The following BANK1 variants were observed in gnomAD, a reference collection of about 807,000 sequenced individuals.
BANK1 encodes the protein B cell scaffold protein with ankyrin repeats 1.
In BANK1, 95 loss-of-function variants were observed where a neutral mutation model predicts 94.5. That is an observed-to-expected ratio of 1.00 (90% confidence interval 0.85 to 1.19). The LOEUF is 1.19. Ranked by LOEUF, BANK1 falls within the 50% of genes most tolerant of loss-of-function variation. BANK1 has a pLI of 0.00. For synonymous variants in BANK1, 334 were observed against 308.4 expected (o/e 1.08, Z -0.87); for missense variants, 987 against 932.2 (o/e 1.06, Z -0.77).
intron 7 of BANK1, among the ~76,000 whole-genome samples, chr4:102,000,530 G>C (rs983760948): frequency 6.6e-6 from 1 of 152,108 alleles, no homozygotes; most frequent in Non-Finnish European, 1.5e-5. Flanking sequence ...AGGGTGGGAA[G>C]GTGACATAGT....
chr4:102,073,572 C>CTGTT (rs1344137158), intron 15 of BANK1, 112 bp from the exon 16 acceptor site: 1 of 864,676 alleles, frequency 1.2e-6, no homozygotes, highest in African/African-American at 1.8e-5. Flanking sequence ...CTCTGCAAAG[C>CTGTT]TGTTTTTCCA....
At chr4:101,870,293 ATT>A (rs1428532301) in intron 4 of BANK1, among the ~76,000 whole-genome samples, 1 of 151,992 alleles carries the variant, frequency 6.6e-6, no homozygotes, top group Non-Finnish European at 1.5e-5. Context: ...ATGTTTTTAT[ATT>A]TTAAGTTTAT....
At chr4:101,899,343 G>A (rs540389148) in intron 6 of BANK1, among the ~76,000 whole-genome samples, 35 of 152,114 alleles carry the variant, frequency 2.3e-4, no homozygotes, top group African/African-American at 8.2e-4. Flanking sequence ...TTGGAGATTT[G>A]GCATGTAAAT....
chr4:101,888,919 C>T (rs184890973), intron 5 of BANK1, among the ~76,000 whole-genome samples: 6 of 152,238 alleles, frequency 3.9e-5, no homozygotes, highest in African/African-American at 9.6e-5. Context: ...TACAGCCTCT[C>T]GATGCCATTT....
rs114941673 is a variant in BANK1 at position 101,854,044 on chromosome 4, C to T, written c.470-991C>T. ...TGGTGCTCAGTAGAAAACCAGATTC[C>T]GCCTCTGAGTAGCAGGCTAACTTCC... is the stretch of plus-strand genomic sequence containing the variant. On this transcript the variant is annotated intron_variant, in intron 2 of 16. Transcript: ENST00000322953. 4.2e-3 allele frequency among the ~76,000 whole-genome samples: 634 copies of T among 152,186 alleles called. 3 individuals are homozygous for T. The highest frequency in any genetic ancestry group is 0.014 in the African/African-American group (596 of 41,516).
intron 7 of BANK1, among the ~76,000 whole-genome samples, chr4:101,925,164 G>A (rs1723113784): frequency 6.6e-6 from 1 of 151,380 alleles, no homozygotes; most frequent in Non-Finnish European, 1.5e-5. Context: ...GTATTTATTT[G>A]AATATCTATT....
chr4:101,907,973 A>G (rs1259562112), intron 6 of BANK1, among the ~76,000 whole-genome samples: 1 of 152,190 alleles, frequency 6.6e-6, no homozygotes, highest in Non-Finnish European at 1.5e-5. Flanking sequence ...GAAAATAGCC[A>G]TACTGCCCAA....
At chr4:101,901,227 T>G (rs1722271280) in intron 6 of BANK1, among the ~76,000 whole-genome samples, 1 of 152,152 alleles carries the variant, frequency 6.6e-6, no homozygotes. Context: ...ATAGAGCAAA[T>G]GCCTGGGAAG....
At chr4:101,977,170 C>G (rs1725163460) in intron 7 of BANK1, 1 of 152,114 alleles carries the variant, frequency 6.6e-6, no homozygotes, top group Non-Finnish European at 1.5e-5. Context: ...ACATTGAAAG[C>G]AGTTCAGCTT....
At chr4:101,959,247 C>T (rs555819333) in intron 7 of BANK1, among the ~76,000 whole-genome samples, 91 of 152,028 alleles carry the variant, frequency 6.0e-4, no homozygotes, top group African/African-American at 2.0e-3. Flanking sequence ...TCAAGCAATT[C>T]TTATGCCTCG....
At chr4:102,025,718 GCTTC>G (rs1284267062) in intron 9 of BANK1, among the ~76,000 whole-genome samples, 5 of 151,762 alleles carry the variant, frequency 3.3e-5, no homozygotes, top group Admixed American at 6.6e-5. Flanking sequence ...TTATTTCCTT[GCTTC>G]CTTCCTTCCT....
chr4:101,829,442 T>A (rs1258555476), intron 1 of BANK1, among the ~76,000 whole-genome samples: 2 of 151,944 alleles, frequency 1.3e-5, no homozygotes, highest in Non-Finnish European at 2.9e-5. Flanking sequence ...TTTGATTTAC[T>A]ATGAAAATAT....
At chr4:101,882,166 C>A (rs1030337272) in intron 5 of BANK1, among the ~76,000 whole-genome samples, 2 of 151,976 alleles carry the variant, frequency 1.3e-5, no homozygotes, top group East Asian at 3.9e-4. Context: ...ATGCCTGTAT[C>A]AAAACATCTC....
chr4:102,039,192 G>T (rs1055132207), intron 10 of BANK1, among the ~76,000 whole-genome samples: 4 of 152,100 alleles, frequency 2.6e-5, no homozygotes, highest in African/African-American at 9.7e-5. Flanking sequence ...GGCTGATGTG[G>T]CTGTCTGTGT....
chr4:102,057,843 T>G (rs533080143), intron 11 of BANK1, among the ~76,000 whole-genome samples: 3 of 152,200 alleles, frequency 2.0e-5, no homozygotes, highest in Non-Finnish European at 4.4e-5. Flanking sequence ...GTAAAAGCAA[T>G]ATAGTATTAT....
At chr4:101,935,046 A>G (rs1723483001) in intron 7 of BANK1, among the ~76,000 whole-genome samples, 1 of 151,482 alleles carries the variant, frequency 6.6e-6, no homozygotes, top group Non-Finnish European at 1.5e-5. Flanking sequence ...TTCTTTTTGC[A>G]TAGCACTTAT....
chr4:101,998,027 C>T lies in BANK1; in HGVS notation c.1207-23487C>T, dbSNP rs540135088. Among the ~76,000 whole-genome samples, 111 of 152,270 alleles carry T rather than the reference C, an allele frequency of 7.3e-4. 1 individual carries two copies. The highest frequency in any genetic ancestry group is 9.2e-4 in the Admixed American group (14 of 15,288). ...CGATGTAAGAGTGGCGATTTTAGATCTTTCCCACTTTCTCCTGTGGACATT... is the reference window on the plus strand; with the variant it reads ...CGATGTAAGAGTGGCGATTTTAGATTTTTCCCACTTTCTCCTGTGGACATT... On this transcript the variant is annotated intron_variant, in intron 7 of 16. Transcript: ENST00000322953.
intron 5 of BANK1, among the ~76,000 whole-genome samples, chr4:101,888,282 G>C (rs4698978): frequency 0.34 from 52,295 of 152,008 alleles, 9,304 homozygotes; most frequent in African/African-American, 0.39. Context: ...GACATATCAC[G>C]TGAGAGAGTT....
chr4:101,922,381 A>G (rs1222185798), intron 7 of BANK1, among the ~76,000 whole-genome samples: 1 of 151,822 alleles, frequency 6.6e-6, no homozygotes, highest in African/African-American at 2.4e-5. Context: ...TTTAAATGGC[A>G]GCATATCCTG....
Sources: allele counts gnomAD v4.1 joint callset (sites outside exome capture counted in the v4.1 genomes callset), GRCh38; gene constraint gnomAD v4.1.1; transcripts MANE v1.5; gene names NCBI Gene and HGNC (gene_info 2026-07-23, HGNC 2026-07-21).